ZNF391: variants seen among roughly 807,000 people sequenced by gnomAD.
ZNF391 encodes zinc finger protein 391.
For synonymous variants in ZNF391, 126 were observed against 142.1 expected (o/e 0.89, Z 0.80); for missense variants, 375 against 425.5 (o/e 0.88, Z 1.04).
rs1223305059 is a variant in ZNF391, at chr6:27,389,066, C to T, written c.-197C>T. On this transcript the variant is annotated 5_prime_UTR_variant, in exon 1 of 3. Coordinates refer to ENST00000244576, the MANE Select transcript of ZNF391 (RefSeq NM_001076781.3). ...CCGGTGAGTGAGGCTTACAGGGCCC[C>T]GGGACCAAGGTGGGTGCTCTTAGAG... is the stretch of plus-strand genomic sequence containing the variant. The T allele has an allele frequency of 4.4e-6, 2 of 456,254 alleles. No homozygotes were observed. Among genetic ancestry groups the T allele is most frequent in the African/African-American group, 2.0e-5 (1 of 50,062 alleles). 28.3% of individuals were successfully genotyped at this position (456,254 alleles called of 1,614,324 possible). A position where few individuals can be genotyped will look rare whatever the true frequency, so the allele number is the denominator to read the frequency against.
At chr6:27,381,838 G>T (rs1025469532) in intron 1 of ZNF391, among the ~76,000 whole-genome samples, 1 of 151,984 alleles carries the variant, frequency 6.6e-6, no homozygotes, top group Admixed American at 6.6e-5. Context: ...TTTGAGACCA[G>T]CCTGGCCAAC....
At position 27,400,843 on chromosome 6, in the gene ZNF391, C is replaced by A. The variant is rs747959149; in HGVS notation, c.473C>A (p.Thr158Asn). 1.7e-5 allele frequency: 28 copies of A among 1,614,058 alleles called. No individual in the cohort carries two copies. In the East Asian group the frequency reaches 6.0e-4, roughly 35 times the overall value. The stretch of plus-strand genomic sequence containing the variant: ...ACACACCTTATTGAACATCAAAGAA[C>A]TCACACTGGAGAGAAACCTTATGAA... Reference protein sequence around the residue: ...RSTHLIEHQRTHTGEKPYECN... With the variant: ...RSTHLIEHQRNHTGEKPYECN... The change falls in exon 3 of 3, where the codon ACT becomes AAT. Residue 158 changes from threonine (T) to asparagine (N), a missense_variant. By Grantham distance (65) the Thr-to-Asn change is moderately conservative (BLOSUM62 0). Coordinates refer to ENST00000244576, the MANE Select transcript of ZNF391 (RefSeq NM_001076781.3).
At chr6:27,398,702 C>CA (rs966797988) in intron 1 of ZNF391, among the ~76,000 whole-genome samples, 3 of 152,024 alleles carry the variant, frequency 2.0e-5, no homozygotes, top group Admixed American at 6.5e-5. Context: ...ACTAAAAATA[C>CA]AAAAAACTAG....
chr6:27,383,167 G>A (rs1216660594), intron 1 of ZNF391, among the ~76,000 whole-genome samples: 3 of 151,336 alleles, frequency 2.0e-5, no homozygotes, highest in Non-Finnish European at 2.9e-5. Context: ...AACAAATTCT[G>A]AAAAAAGAGA....
At chr6:27,396,092 A>T (rs753758704) in intron 1 of ZNF391, among the ~76,000 whole-genome samples, 2 of 152,164 alleles carry the variant, frequency 1.3e-5, no homozygotes, top group Non-Finnish European at 2.9e-5. Context: ...TGCACTAGAG[A>T]AGTATTTCTC....
At chr6:27,380,397 G>C (rs891492675) in intron 1 of ZNF391, among the ~76,000 whole-genome samples, 3 of 151,588 alleles carry the variant, frequency 2.0e-5, no homozygotes, top group African/African-American at 7.3e-5. Flanking sequence ...CACGTCTAGA[G>C]TTGTTCGTTT....
Position 27,391,343 on chromosome 6 carries a change from T to C in ZNF391, c.-188+2268T>C, listed in dbSNP as rs537522262. ...CCTCAGCCTCCTGAAGTAGCTGGGATTACAGGTGCCCACCACCACGCCCAG... is the reference window on the plus strand; with the variant it reads ...CCTCAGCCTCCTGAAGTAGCTGGGACTACAGGTGCCCACCACCACGCCCAG... On this transcript the variant is annotated intron_variant, in intron 1 of 2. Transcript: ENST00000244576. 4.2e-4 allele frequency among the ~76,000 whole-genome samples: 64 copies of C among 151,862 alleles called. No individual in the cohort carries two copies. In the South Asian group the frequency reaches 0.013, roughly 31 times the overall value.
chr6:27,402,844 G>A lies in ZNF391; in HGVS notation c.*1397G>A, dbSNP rs1762005656. On this transcript the variant is annotated 3_prime_UTR_variant, in exon 3 of 3. Coordinates refer to ENST00000244576, the MANE Select transcript of ZNF391 (RefSeq NM_001076781.3). The stretch of plus-strand genomic sequence containing the variant: ...TGAACTCAAACAATTCTCCCACCTC[G>A]GCTTCCGAAAACACTGACATTACAG... 6.6e-6 allele frequency: 1 copy of A among 152,028 alleles called. No individual in the cohort carries two copies. Among genetic ancestry groups the A allele is most frequent in the African/African-American group, 2.4e-5 (1 of 41,380 alleles). The allele number at this position is 152,028 out of a possible 1,614,324, so 9.4% of individuals were successfully genotyped here. A position where few individuals can be genotyped will look rare whatever the true frequency, so the allele number is the denominator to read the frequency against.
intron 1 of ZNF391, among the ~76,000 whole-genome samples, chr6:27,380,637 C>T (rs965146295): frequency 6.6e-6 from 1 of 152,136 alleles, no homozygotes; most frequent in Non-Finnish European, 1.5e-5. Context: ...ATTGGTAGAG[C>T]CAAGTGGTCT....
chr6:27,378,042 T>G (rs1761443902), intron 1 of ZNF391, among the ~76,000 whole-genome samples: 1 of 152,206 alleles, frequency 6.6e-6, no homozygotes, highest in South Asian at 2.1e-4. Context: ...TGTGTACATG[T>G]TTTAAAGAAA....
At position 27,401,056 on chromosome 6, in the gene ZNF391, C is replaced by G. The variant is rs752723864; in HGVS notation, c.686C>G (p.Ala229Gly). Residue 229 changes from alanine to glycine, a missense_variant, in exon 3 of 3, where the codon GCC becomes GGC. Transcript: ENST00000244576. ...RPYKCNECGKAFGDRSTIIQH... is the reference protein window; with the variant it reads ...RPYKCNECGKGFGDRSTIIQH... ...TACAAATGTAATGAATGTGGGAAAG[C>G]CTTCGGTGACCGTTCAACCATAATT... The G allele has an allele frequency of 2.5e-6, 4 of 1,614,018 alleles. No individual in the cohort carries two copies. The highest frequency in any genetic ancestry group is 1.7e-5 in the Admixed American group (1 of 60,002).
chr6:27,385,679 T>C (rs1241504836), upstream of ZNF391, among the ~76,000 whole-genome samples: 3 of 152,254 alleles, frequency 2.0e-5, no homozygotes, highest in East Asian at 5.8e-4. Context: ...GCATCTACTA[T>C]CACAGAAATC....
At chr6:27,380,027 C>G (rs563163806) in intron 1 of ZNF391, among the ~76,000 whole-genome samples, 4 of 152,302 alleles carry the variant, frequency 2.6e-5, no homozygotes, top group African/African-American at 9.6e-5. Context: ...AGAATGCTTC[C>G]CCTTCCCCTA....
intron 1 of ZNF391, among the ~76,000 whole-genome samples, chr6:27,390,018 G>A (rs1456861489): frequency 1.3e-5 from 2 of 152,218 alleles, no homozygotes; most frequent in Non-Finnish European, 2.9e-5. Context: ...ACCTTTGGTA[G>A]GACAAGATTT....
chr6:27,387,079 T>G (rs1336407070), upstream of ZNF391, among the ~76,000 whole-genome samples: 3 of 151,966 alleles, frequency 2.0e-5, no homozygotes, highest in Non-Finnish European at 4.4e-5. Flanking sequence ...GACACACAAA[T>G]AAGTACATGA....
At chr6:27,377,915 CAT>C (rs1273278998) in intron 1 of ZNF391, among the ~76,000 whole-genome samples, 3 of 152,172 alleles carry the variant, frequency 2.0e-5, no homozygotes, top group Non-Finnish European at 4.4e-5. Flanking sequence ...TATATATACA[CAT>C]ATATGTGTGT....
At chr6:27,386,667 T>G (rs1761587906), upstream of ZNF391, among the ~76,000 whole-genome samples, 1 of 152,116 alleles carries the variant, frequency 6.6e-6, no homozygotes, top group Non-Finnish European at 1.5e-5. Context: ...TGGACAGTAT[T>G]TTCAACAAAT....
intron 1 of ZNF391, among the ~76,000 whole-genome samples, chr6:27,381,476 G>A (rs1261994989): frequency 6.6e-6 from 1 of 152,228 alleles, no homozygotes; most frequent in African/African-American, 2.4e-5. Flanking sequence ...AGCCGGCTCC[G>A]GCCTTGGCCA....
chr6:27,381,869 C>G (rs1446130237), intron 1 of ZNF391, among the ~76,000 whole-genome samples: 1 of 151,944 alleles, frequency 6.6e-6, no homozygotes, highest in Admixed American at 6.6e-5. Context: ...CTTGTCTCTA[C>G]TAAAAATACA....
Sources: gnomAD v4.1 joint callset for allele counts (sites outside exome capture counted in the v4.1 genomes callset) on GRCh38, gnomAD v4.1.1 for gene constraint, MANE v1.5 for transcripts, NCBI Gene and HGNC (gene_info 2026-07-23, HGNC 2026-07-21) for gene names.